Variants in RTF1 observed in about 807,000 individuals in gnomAD.
RTF1 encodes RNA polymerase-associated protein RTF1 homolog.
Under a neutral mutation model 95.7 loss-of-function variants are expected in RTF1, and 10 were observed. The observed-to-expected ratio is 0.10, with a 90% CI of 0.06 to 0.18. The LOEUF is 0.18. Ranked by LOEUF, RTF1 falls within the 10% of genes least tolerant of loss-of-function variation. RTF1 has a pLI of 1.00. For missense variants in RTF1, 458 were observed against 875.6 expected, an observed-to-expected ratio of 0.52 and a Z score of 6.02; for synonymous variants, 305 against 311.8, an observed-to-expected ratio of 0.98 and a Z score of 0.23.
chr15:41,436,623 CAAAAAAAAAAA>C (rs1217444789), intron 1 of RTF1, among the ~76,000 whole-genome samples: 1 of 50,818 alleles, frequency 2.0e-5, no homozygotes, highest in African/African-American at 7.3e-5. Flanking sequence ...GACTCTGTCT[CAAAAAAAAAAA>C]AAAAAAAAAA....
intron 2 of RTF1, among the ~76,000 whole-genome samples, chr15:41,445,758 C>CA (rs968439089): frequency 1.5e-5 from 2 of 129,490 alleles, no homozygotes; most frequent in African/African-American, 2.9e-5. Context: ...TTTTTGGAAA[C>CA]AGAGTCTTGC....
intron 5 of RTF1, among the ~76,000 whole-genome samples, chr15:41,465,112 C>G (rs1374971958): frequency 6.6e-6 from 1 of 151,296 alleles, no homozygotes; most frequent in Non-Finnish European, 1.5e-5. Flanking sequence ...TTTTTTCTTT[C>G]TTCTTTCTTT....
At chr15:41,479,058 T>C (rs747858672) in intron 15 of RTF1, 45 bp from the exon 16 acceptor site, 2 of 1,371,074 alleles carry the variant, frequency 1.5e-6, no homozygotes, top group Non-Finnish European at 2.1e-6. Flanking sequence ...AGTAGGACTC[T>C]GTGAGTGTCA....
chr15:41,437,965 GTGAC>G (rs1566839039), intron 1 of RTF1, among the ~76,000 whole-genome samples: 1 of 152,204 alleles, frequency 6.6e-6, no homozygotes, highest in Non-Finnish European at 1.5e-5. Context: ...GGATAAAACA[GTGAC>G]TAGGTTACCT....
chr15:41,461,962 C>G (rs2050851604), intron 4 of RTF1, among the ~76,000 whole-genome samples: 1 of 150,266 alleles, frequency 6.7e-6, no homozygotes, highest in Non-Finnish European at 1.5e-5. Context: ...GCCATGTTGC[C>G]CAGGCTGGTC....
At chr15:41,464,039 A>T (rs2050866978) in intron 4 of RTF1, among the ~76,000 whole-genome samples, 3 of 151,092 alleles carry the variant, frequency 2.0e-5, no homozygotes, top group Non-Finnish European at 4.4e-5. Flanking sequence ...TTTAGTGGAG[A>T]TGGGGTTTCA....
intron 3 of RTF1, among the ~76,000 whole-genome samples, chr15:41,454,230 C>T (rs965792663): frequency 2.6e-5 from 4 of 152,050 alleles, no homozygotes; most frequent in Admixed American, 6.6e-5. Flanking sequence ...GCTGGGATTA[C>T]AGATGCTCAC....
intron 2 of RTF1, among the ~76,000 whole-genome samples, chr15:41,440,927 C>G (rs1365326298): frequency 1.3e-5 from 2 of 150,872 alleles, no homozygotes; most frequent in Non-Finnish European, 2.9e-5. Context: ...CTAGACAATA[C>G]AGAAAAACCT....
At chr15:41,471,006 G>C (rs957200827) in intron 7 of RTF1, among the ~76,000 whole-genome samples, 166 bp from the exon 8 acceptor site, 1 of 152,090 alleles carries the variant, frequency 6.6e-6, no homozygotes, top group African/African-American at 2.4e-5. Flanking sequence ...CATACTACTG[G>C]TCAGGAACAG....
At position 41,482,744 on chromosome 15, in the gene RTF1, G is replaced by C. The variant is rs183726723; in HGVS notation, c.*2057G>C. 4.6e-5 allele frequency: 7 copies of C among 152,668 alleles called. No individual in the cohort carries two copies. Among genetic ancestry groups the C allele is most frequent in the African/African-American group, 1.7e-4 (7 of 41,542 alleles). The allele number at this position is 152,668 out of a possible 1,614,324, so 9.5% of individuals were successfully genotyped here. ...ACTATTGTGTAAATGTGGAATCACA[G>C]ACTGTTAACATTGCCTGGACTTCAG... On this transcript the variant is annotated 3_prime_UTR_variant, in exon 18 of 18. Transcript: ENST00000389629.
At chr15:41,474,822 C>A in intron 9 of RTF1, 120 bp downstream of exon 9, 3 of 766,036 alleles carry the variant, frequency 3.9e-6, no homozygotes, top group South Asian at 2.9e-5. Context: ...GCAATCCCCA[C>A]AAGGTACACT....
At chr15:41,424,010 C>A (rs1566834906) in intron 1 of RTF1, among the ~76,000 whole-genome samples, 1 of 152,158 alleles carries the variant, frequency 6.6e-6, no homozygotes. Flanking sequence ...TCCTTGGCTT[C>A]CCCAGGGTGC....
Position 41,438,183 on chromosome 15 carries a change from A to G in RTF1, c.199-138A>G, listed in dbSNP as rs150379121. On this transcript the variant is annotated intron_variant, in intron 1 of 17. Coordinates refer to ENST00000389629, the MANE Select transcript of RTF1 (RefSeq NM_015138.5). ...CCTAGCAGTCAGTCTGTTCATGCTG[A>G]TAGAAGTCCCTGTGACAATGTCCTT... The G allele has an allele frequency of 1.6e-5, 8 of 508,466 alleles. No homozygotes were observed. The East Asian group carries it at 2.5e-4, about 16-fold the overall frequency. 31.5% of individuals were successfully genotyped at this position (508,466 alleles called of 1,614,324 possible). A position where few individuals can be genotyped will look rare whatever the true frequency, so the allele number is the denominator to read the frequency against.
intron 1 of RTF1, among the ~76,000 whole-genome samples, chr15:41,431,468 GC>G (rs2050672940): frequency 6.6e-6 from 1 of 152,000 alleles, no homozygotes; most frequent in East Asian, 1.9e-4. Context: ...ACCTGCCTCG[GC>G]CTCCCAAAGT....
chr15:41,471,896 AT>A (rs961768016), intron 8 of RTF1, among the ~76,000 whole-genome samples: 32 of 151,626 alleles, frequency 2.1e-4, no homozygotes, highest in African/African-American at 7.5e-4. Context: ...CATTATTATT[AT>A]TTTTTTATTT....
Position 41,482,843 on chromosome 15 carries a change from A to G in RTF1, c.*2156A>G, listed in dbSNP as rs1415652736. 1.3e-5 allele frequency: 2 copies of G among 152,414 alleles called. No homozygotes were observed. Among genetic ancestry groups the G allele is most frequent in the Non-Finnish European group, 2.9e-5 (2 of 68,036 alleles). The allele number at this position is 152,414 out of a possible 1,614,324, so 9.4% of individuals were successfully genotyped here. ...TTTTTTTTTTGATTTCTGGTTTTAA[A>G]AAACATAAAATTATAGAATCCAGAT... On this transcript the variant is annotated 3_prime_UTR_variant, in exon 18 of 18. Coordinates refer to ENST00000389629, the MANE Select transcript of RTF1 (RefSeq NM_015138.5).
chr15:41,461,023 G>T (rs1310901265), intron 4 of RTF1, among the ~76,000 whole-genome samples: 2 of 150,018 alleles, frequency 1.3e-5, no homozygotes, highest in Non-Finnish European at 3.0e-5. Flanking sequence ...TTACAGGCAT[G>T]CGCCACTATG....
At chr15:41,463,107 C>A (rs999787526) in intron 4 of RTF1, among the ~76,000 whole-genome samples, 3 of 152,160 alleles carry the variant, frequency 2.0e-5, no homozygotes, top group Non-Finnish European at 2.9e-5. Flanking sequence ...TGACTGACTT[C>A]TTTCACTTAG....
chr15:41,475,946 T>G (rs913297307), intron 11 of RTF1, 127 bp downstream of exon 11: 1 of 598,642 alleles, frequency 1.7e-6, no homozygotes, highest in Non-Finnish European at 2.9e-6. Flanking sequence ...AATACTAATA[T>G]TACTACCTGA....
Sources: gnomAD v4.1 joint callset for allele counts (sites outside exome capture counted in the v4.1 genomes callset) on GRCh38, gnomAD v4.1.1 for gene constraint, MANE v1.5 for transcripts, NCBI Gene and HGNC (gene_info 2026-07-23, HGNC 2026-07-21) for gene names.